Variants in RNF150 observed in about 807,000 individuals in gnomAD.
RNF150 encodes the protein ring finger protein 150.
RNF150 carries 24 observed loss-of-function variants against 39.3 expected under a neutral mutation model. The observed-to-expected ratio is 0.61, with a 90% CI of 0.44 to 0.86. The LOEUF (loss-of-function observed/expected upper bound fraction) is 0.86. Ranked by LOEUF, RNF150 falls within the 40% of genes least tolerant of loss-of-function variation. The pLI, the probability that RNF150 is intolerant of heterozygous loss-of-function variation, is 0.00. For synonymous variants in RNF150, 255 were observed against 227.3 expected, an observed-to-expected ratio of 1.12 and a Z score of -1.10; for missense variants, 502 against 587.8, an observed-to-expected ratio of 0.85 and a Z score of 1.51.
intron 1 of RNF150, among the ~76,000 whole-genome samples, chr4:141,022,870 T>C (rs1381733503): frequency 6.6e-6 from 1 of 152,210 alleles, no homozygotes; most frequent in Non-Finnish European, 1.5e-5. Context: ...ACTCAAATAA[T>C]TGTCAAAAGC....
chr4:140,982,627 G>A (rs1733897524), intron 1 of RNF150, among the ~76,000 whole-genome samples: 1 of 151,390 alleles, frequency 6.6e-6, no homozygotes, highest in South Asian at 2.1e-4. Flanking sequence ...TCTGTAGTGA[G>A]CATGGGTCAC....
intron 1 of RNF150, among the ~76,000 whole-genome samples, chr4:141,160,791 G>A (rs549258484): frequency 8.5e-5 from 13 of 152,288 alleles, no homozygotes; most frequent in South Asian, 2.1e-4. Flanking sequence ...ACCTTCTGCC[G>A]TGATTGAAAG....
At chr4:141,206,537 A>G (rs1316288067) in intron 1 of RNF150, among the ~76,000 whole-genome samples, 1 of 152,122 alleles carries the variant, frequency 6.6e-6, no homozygotes, top group African/African-American at 2.4e-5. Flanking sequence ...TTAAGAAAAT[A>G]TAACAAATAA....
intron 1 of RNF150, among the ~76,000 whole-genome samples, chr4:141,039,760 AG>A (rs959077005): frequency 9.9e-5 from 15 of 152,184 alleles, no homozygotes; most frequent in Admixed American, 5.9e-4. Flanking sequence ...CTCCTATTTC[AG>A]GGGGCTGATG....
chr4:141,168,492 C>T (rs1222364031), intron 1 of RNF150, among the ~76,000 whole-genome samples: 1 of 152,148 alleles, frequency 6.6e-6, no homozygotes, highest in Non-Finnish European at 1.5e-5. Flanking sequence ...GACATATGCA[C>T]AGGTTTGTTT....
chr4:141,005,705 A>T (rs1734837002), intron 1 of RNF150, among the ~76,000 whole-genome samples: 1 of 152,252 alleles, frequency 6.6e-6, no homozygotes, highest in Admixed American at 6.5e-5. Flanking sequence ...TTTGGAATAC[A>T]GCCCATTTGT....
intron 3 of RNF150, among the ~76,000 whole-genome samples, chr4:140,947,963 T>C (rs1732390061): frequency 6.6e-6 from 1 of 152,330 alleles, no homozygotes; most frequent in South Asian, 2.1e-4. Flanking sequence ...AACCATTTTC[T>C]AAAGTACAAT....
At chr4:141,047,331 T>A (rs780519771) in intron 1 of RNF150, among the ~76,000 whole-genome samples, 78 of 152,134 alleles carry the variant, frequency 5.1e-4, no homozygotes, top group Non-Finnish European at 1.5e-4. Flanking sequence ...CTTCCTGCAC[T>A]CACACAATCC....
chr4:141,178,005 A>AAAATATCTAT lies in RNF150; in HGVS notation c.-6+34779_-6+34788dup, dbSNP rs565840633. Among the ~76,000 whole-genome samples the AAAATATCTAT allele has an allele frequency of 2.6e-3, 399 of 152,302 alleles. 1 individual carries two copies. The highest frequency in any genetic ancestry group is 9.1e-3 in the African/African-American group (378 of 41,568). On this transcript the variant is annotated intron_variant, in intron 1 of 7. Coordinates refer to the RNF150 transcript ENST00000420921. ...AAATTAAACTCCAATATTGTATCTC[A>AAAATATCTAT]AAATATCTATAAAACTGACAAATCT... is the stretch of plus-strand genomic sequence containing the variant.
chr4:140,899,974 C>G (rs59224618), intron 6 of RNF150, among the ~76,000 whole-genome samples: 1,836 of 69,178 alleles, frequency 0.027, 53 homozygotes, highest in African/African-American at 0.076. Context: ...CTCTCTCTCT[C>G]TGTGTGTGTG....
chr4:141,148,464 A>G (rs768584928), intron 1 of RNF150, among the ~76,000 whole-genome samples: 18 of 151,500 alleles, frequency 1.2e-4, no homozygotes, highest in South Asian at 2.1e-4. Flanking sequence ...TTTTTTTTAG[A>G]TGGAGTTTTG....
chr4:140,916,336 A>G (rs1267817603), intron 5 of RNF150, among the ~76,000 whole-genome samples: 2 of 152,238 alleles, frequency 1.3e-5, no homozygotes, highest in African/African-American at 4.8e-5. Flanking sequence ...TAACCAATGC[A>G]GAGAAGTCCT....
intron 1 of RNF150, among the ~76,000 whole-genome samples, chr4:141,084,324 T>C (rs1738268901): frequency 6.6e-6 from 1 of 152,202 alleles, no homozygotes; most frequent in African/African-American, 2.4e-5. Context: ...GACGAATATA[T>C]AGGATATAAC....
At position 141,068,457 on chromosome 4, in the gene RNF150, T is replaced by C. The variant is rs890671681; in HGVS notation, c.484+63868A>G. Among the ~76,000 whole-genome samples, 3 of 152,208 alleles carry C rather than the reference T, an allele frequency of 2.0e-5. No individual in the cohort carries two copies. The East Asian group carries it at 5.8e-4, about 29-fold the overall frequency. On this transcript the variant is annotated intron_variant, in intron 1 of 6. Transcript: ENST00000515673. ...ACCAGTACCATGCTGTTTTGGTTAC[T>C]GTAGCCTTGTAGTATAGTTTGAAGT...
At chr4:141,179,974 G>A (rs867622515) in intron 1 of RNF150, among the ~76,000 whole-genome samples, 1 of 152,154 alleles carries the variant, frequency 6.6e-6, no homozygotes, top group Non-Finnish European at 1.5e-5. Context: ...GTTACCTCTG[G>A]TAACCATCCA....
intron 1 of RNF150, among the ~76,000 whole-genome samples, chr4:141,012,296 G>A (rs1387333995): frequency 6.6e-6 from 1 of 152,132 alleles, no homozygotes; most frequent in Non-Finnish European, 1.5e-5. Context: ...GACCGGGCTG[G>A]GTTACAATAA....
chr4:140,943,236 T>C (rs1732156570), intron 4 of RNF150, among the ~76,000 whole-genome samples: 1 of 152,276 alleles, frequency 6.6e-6, no homozygotes, highest in Non-Finnish European at 1.5e-5. Flanking sequence ...GAGGCACAAA[T>C]AATCTAAAAA....
intron 1 of RNF150, among the ~76,000 whole-genome samples, chr4:141,126,095 TACACACAC>T (rs139608178): frequency 6.7e-6 from 1 of 150,098 alleles, no homozygotes; most frequent in Non-Finnish European, 1.5e-5. Flanking sequence ...AATAAATACA[TACACACAC>T]ACACACACAC....
rs1372637839 is a variant in RNF150, at chr4:140,864,010, G to A, written c.*4251C>T. 1 of 152,228 alleles carries A rather than the reference G, an allele frequency of 6.6e-6. No homozygotes were observed. Among genetic ancestry groups the A allele is most frequent in the Non-Finnish European group, 1.5e-5 (1 of 68,046 alleles). 9.4% of individuals were successfully genotyped at this position (152,228 alleles called of 1,614,324 possible). ...TGGTAGCCTCAGGGATGTCAGGGCAGTAACTGAAATGGCCACTGGGCATGG... is the reference window on the plus strand; with the variant it reads ...TGGTAGCCTCAGGGATGTCAGGGCAATAACTGAAATGGCCACTGGGCATGG... On this transcript the variant is annotated 3_prime_UTR_variant, in exon 7 of 7. Coordinates refer to ENST00000515673, the MANE Select transcript of RNF150 (RefSeq NM_020724.2).
Sources: gnomAD v4.1 joint callset for allele counts (sites outside exome capture counted in the v4.1 genomes callset) on GRCh38, gnomAD v4.1.1 for gene constraint, MANE v1.5 for transcripts, NCBI Gene and HGNC (gene_info 2026-07-23, HGNC 2026-07-21) for gene names.